The following CIAPIN1 variants were observed in gnomAD, a reference collection of about 807,000 sequenced individuals.
CIAPIN1 encodes cytokine induced apoptosis inhibitor 1.
In CIAPIN1, 18 loss-of-function variants were observed where a neutral mutation model predicts 34.3. The ratio of observed to expected loss-of-function variants is 0.52; its 90% CI spans 0.36 to 0.78. The LOEUF (loss-of-function observed/expected upper bound fraction) is 0.78, where lower values mean the gene tolerates loss of function less well. Among genes scored for constraint, CIAPIN1 ranks in the 30% least tolerant of loss-of-function variants. CIAPIN1 has a pLI of 0.00. For missense variants in CIAPIN1, 310 were observed against 372.5 expected, an observed-to-expected ratio of 0.83 and a Z score of 1.38; for synonymous variants, 131 against 140.4, an observed-to-expected ratio of 0.93 and a Z score of 0.47.
intron 8 of CIAPIN1, among the ~76,000 whole-genome samples, chr16:57,429,587 G>A (rs1903035152): frequency 6.8e-6 from 1 of 146,446 alleles, no homozygotes; most frequent in Admixed American, 6.9e-5. Context: ...CGCCTCCTGG[G>A]TTCCCGCCAT....
chr16:57,440,134 A>G (rs1220319384), intron 2 of CIAPIN1, among the ~76,000 whole-genome samples: 1 of 152,146 alleles, frequency 6.6e-6, no homozygotes, highest in Non-Finnish European at 1.5e-5. Flanking sequence ...TGTCTGTCTT[A>G]TATGGTTGCA....
intron 1 of CIAPIN1, among the ~76,000 whole-genome samples, chr16:57,442,842 G>A (rs223851): frequency 0.94 from 142,738 of 152,278 alleles, 67,281 homozygotes; most frequent in African/African-American, 0.99. Flanking sequence ...GATGTCAATT[G>A]GCCTTCTGGA....
chr16:57,432,548 A>G lies in CIAPIN1; in HGVS notation c.569T>C (p.Val190Ala). ...CCACAGCTTGGCAGCAGCAGGGTCCACAGCAGGTTTCACTGAGTCCAAGCA... is the reference window on the plus strand; with the variant it reads ...CCACAGCTTGGCAGCAGCAGGGTCCGCAGCAGGTTTCACTGAGTCCAAGCA... ...KKSSPSVKPAVDPAAAKLWTL... is the reference protein window; with the variant it reads ...KKSSPSVKPAADPAAAKLWTL... Residue 190 changes from valine (V) to alanine (A), a missense_variant, in exon 6 of 9, where the codon GTG (valine) becomes GCG (alanine). Physicochemically the swap from Val to Ala is moderately conservative, Grantham distance 64. Transcript: ENST00000394391. 6.2e-7 allele frequency: 1 copy of G among 1,612,892 alleles called. No individual in the cohort carries two copies. Among genetic ancestry groups the G allele is most frequent in the Non-Finnish European group, 8.5e-7 (1 of 1,179,866 alleles).
At chr16:57,443,752 A>G (rs2029946153) in intron 1 of CIAPIN1, among the ~76,000 whole-genome samples, 1 of 152,170 alleles carries the variant, frequency 6.6e-6, no homozygotes, top group Non-Finnish European at 1.5e-5. Context: ...TGCCTGGCCA[A>G]TTTTGGTTTT....
chr16:57,441,797 C>G (rs117082347), intron 1 of CIAPIN1, among the ~76,000 whole-genome samples: 373 of 152,338 alleles, frequency 2.4e-3, no homozygotes, highest in Middle Eastern at 0.014. Context: ...ATATAATATG[C>G]TCACAAAGAA....
At chr16:57,439,928 TA>T in intron 2 of CIAPIN1, among the ~76,000 whole-genome samples, 1 of 152,306 alleles carries the variant, frequency 6.6e-6, no homozygotes. Context: ...AAGAACAGGA[TA>T]ACAGCGATGT....
rs1903190303 is a variant in CIAPIN1 at position 57,435,996 on chromosome 16, A to G, written c.387+660T>C. Among the ~76,000 whole-genome samples, 3 of 152,078 alleles carry G rather than the reference A, an allele frequency of 2.0e-5. No individual in the cohort carries two copies. The South Asian group carries it at 6.2e-4, about 31-fold the overall frequency. On this transcript the variant is annotated intron_variant, in intron 4 of 8. Coordinates refer to ENST00000394391, the MANE Select transcript of CIAPIN1 (RefSeq NM_020313.4). ...GTCAGAAAAGGAACTTTGCCCTCTA[A>G]CCTATTCCAGCCTCCCACCAAAAAT...
intron 4 of CIAPIN1, among the ~76,000 whole-genome samples, chr16:57,435,671 G>A (rs1279221548): frequency 6.6e-6 from 1 of 152,156 alleles, no homozygotes; most frequent in Admixed American, 6.5e-5. Context: ...GCGCACGCCT[G>A]TAATCCCAGC....
chr16:57,436,233 T>C (rs545967095), intron 4 of CIAPIN1, among the ~76,000 whole-genome samples: 264 of 152,242 alleles, frequency 1.7e-3, no homozygotes, highest in Non-Finnish European at 3.5e-3. Context: ...TTTTGTTTTG[T>C]TTTGTTTTTT....
chr16:57,436,507 C>T (rs970876479), intron 4 of CIAPIN1, 149 bp downstream of exon 4: 6 of 442,190 alleles, frequency 1.4e-5, no homozygotes, highest in Admixed American at 3.7e-5. Context: ...GGATTACAGA[C>T]GTGAGCCACC....
At chr16:57,429,669 T>C (rs1903038716) in intron 8 of CIAPIN1, among the ~76,000 whole-genome samples, 2 of 152,050 alleles carry the variant, frequency 1.3e-5, no homozygotes, top group Admixed American at 6.6e-5. Context: ...TTTTTTTGTA[T>C]TTTTAGTAGA....
chr16:57,437,512 T>TTTATTATTATTA (rs145423746), intron 3 of CIAPIN1, among the ~76,000 whole-genome samples: 3 of 150,060 alleles, frequency 2.0e-5, no homozygotes, highest in African/African-American at 4.9e-5. Flanking sequence ...GTGATATTAT[T>TTTATTATTATTA]TTATTATTAT....
intron 4 of CIAPIN1, among the ~76,000 whole-genome samples, chr16:57,435,362 T>C (rs1903176340): frequency 1.3e-5 from 2 of 152,250 alleles, no homozygotes; most frequent in African/African-American, 2.4e-5. Context: ...CTCTTGTCTT[T>C]ATAAATTATT....
intron 6 of CIAPIN1, chr16:57,431,523 T>G: frequency 3.0e-6 from 1 of 330,924 alleles, no homozygotes. Context: ...GCTGTATGAC[T>G]GGCCAGCAAT....
At chr16:57,441,358 T>C (rs1313122117) in intron 1 of CIAPIN1, 1 of 152,924 alleles carries the variant, frequency 6.5e-6, no homozygotes, top group African/African-American at 2.4e-5. Flanking sequence ...GCAAATAAAT[T>C]GACAGAAATA....
chr16:57,445,756 G>A (rs769047417), intron 1 of CIAPIN1, among the ~76,000 whole-genome samples: 8 of 150,042 alleles, frequency 5.3e-5, no homozygotes, highest in African/African-American at 1.5e-4. Context: ...GTCCCTACAC[G>A]GGAGACAGAC....
chr16:57,435,801 GA>G (rs1903186840), intron 4 of CIAPIN1, among the ~76,000 whole-genome samples: 1 of 151,278 alleles, frequency 6.6e-6, no homozygotes, highest in African/African-American at 2.4e-5. Flanking sequence ...CCAAAAACAA[GA>G]AAAAAAATTA....
intron 6 of CIAPIN1, among the ~76,000 whole-genome samples, chr16:57,431,650 AAT>A (rs1461299124): frequency 1.3e-5 from 2 of 152,178 alleles, no homozygotes; most frequent in African/African-American, 4.8e-5. Flanking sequence ...AAGGGAATAA[AAT>A]ATCTTTTACA....
At chr16:57,442,624 A>G (rs1273179480) in intron 1 of CIAPIN1, among the ~76,000 whole-genome samples, 1 of 152,192 alleles carries the variant, frequency 6.6e-6, no homozygotes, top group East Asian at 1.9e-4. Context: ...TGAGCCCAGG[A>G]GGTTGAGGCT....
Sources: gnomAD v4.1 joint callset for allele counts (sites outside exome capture counted in the v4.1 genomes callset) on GRCh38, gnomAD v4.1.1 for gene constraint, MANE v1.5 for transcripts, NCBI Gene and HGNC (gene_info 2026-07-23, HGNC 2026-07-21) for gene names.